Variants in KCNT2 observed in about 807,000 individuals in gnomAD.
KCNT2 encodes potassium sodium-activated channel subfamily T member 2, also known as potassium channel subfamily T member 2.
A neutral mutation model predicts 153.8 loss-of-function variants in KCNT2; 67 were observed. The observed-to-expected ratio is 0.44, with a 90% confidence interval of 0.36 to 0.53. The LOEUF is 0.53. Among genes scored for constraint, KCNT2 ranks in the 20% least tolerant of loss-of-function variants. The pLI, the probability that KCNT2 is intolerant of heterozygous loss-of-function variation, is 0.00. For missense variants in KCNT2, 975 were observed against 1,354.8 expected (o/e 0.72, Z 4.40); for synonymous variants, 500 against 458.8 (o/e 1.09, Z -1.15).
Position 196,558,356 on chromosome 1 carries a change from T to C in KCNT2, c.95+49859A>G, listed in dbSNP as rs117706915. The stretch of plus-strand genomic sequence containing the variant: ...AGTAAGGATATATCTGACAATTTTA[T>C]AATAATTTGAAAATCTAAAATAACG... On this transcript the variant is annotated intron_variant, in intron 1 of 27. Transcript: ENST00000294725. Among the ~76,000 whole-genome samples the C allele has an allele frequency of 5.5e-4, 83 of 151,202 alleles. 1 individual carries two copies. The East Asian group carries it at 0.015, about 27-fold the overall frequency.
chr1:196,325,870 T>C (rs1050793027), intron 19 of KCNT2, among the ~76,000 whole-genome samples: 9 of 152,152 alleles, frequency 5.9e-5, no homozygotes, highest in African/African-American at 2.2e-4. Context: ...TATAAAGTTA[T>C]AATGTACTGG....
intron 1 of KCNT2, among the ~76,000 whole-genome samples, chr1:196,602,950 C>A (rs1174536428): frequency 6.6e-6 from 1 of 150,636 alleles, no homozygotes; most frequent in Admixed American, 6.6e-5. Context: ...CCGCGCCCGG[C>A]TAATTTTTTG....
chr1:196,237,229 C>T (rs1412175317), intron 26 of KCNT2, among the ~76,000 whole-genome samples: 1 of 151,718 alleles, frequency 6.6e-6, no homozygotes, highest in Non-Finnish European at 1.5e-5. Flanking sequence ...ATGTTGACTA[C>T]TGTGTTCCTC....
intron 1 of KCNT2, among the ~76,000 whole-genome samples, chr1:196,599,720 T>A (rs1421344475): frequency 6.6e-6 from 1 of 152,210 alleles, no homozygotes; most frequent in Admixed American, 6.5e-5. Context: ...TGGGTTCTGT[T>A]TCTGTTTTCC....
chr1:196,262,470 T>C (rs1258329435), intron 25 of KCNT2, among the ~76,000 whole-genome samples: 3 of 152,044 alleles, frequency 2.0e-5, no homozygotes, highest in African/African-American at 7.2e-5. Flanking sequence ...ATCACTAAAA[T>C]GTGCTAGTTT....
chr1:196,497,748 T>G (rs1167570731), intron 1 of KCNT2, among the ~76,000 whole-genome samples: 1 of 152,202 alleles, frequency 6.6e-6, no homozygotes, highest in African/African-American at 2.4e-5. Context: ...TTCCTTTTCA[T>G]GTACTGATTT....
chr1:196,493,322 G>T (rs1303734000), intron 1 of KCNT2, among the ~76,000 whole-genome samples: 8 of 144,818 alleles, frequency 5.5e-5, no homozygotes, highest in Admixed American at 4.2e-4. Context: ...ATAAGGTTTG[G>T]GGGTCTTTTT....
rs186805152 is a variant in KCNT2, at chr1:196,372,647, A to C, written c.1403+493T>G. 1.5e-4 allele frequency among the ~76,000 whole-genome samples: 23 copies of C among 152,074 alleles called. 1 individual carries two copies. In the East Asian group the frequency reaches 4.2e-3, roughly 28 times the overall value. On this transcript the variant is annotated intron_variant, in intron 14 of 27. Coordinates refer to ENST00000294725, the MANE Select transcript of KCNT2 (RefSeq NM_198503.5). ...TATAAAAAGTGATTTATACTGCATTAGCTAATTTTATACAACTACTTTGTT... is the reference window on the plus strand; with the variant it reads ...TATAAAAAGTGATTTATACTGCATTCGCTAATTTTATACAACTACTTTGTT...
chr1:196,237,036 A>G (rs758872477), intron 26 of KCNT2, among the ~76,000 whole-genome samples: 50 of 151,522 alleles, frequency 3.3e-4, no homozygotes, highest in Non-Finnish European at 5.0e-4. Context: ...AAAGAACTAA[A>G]TTTTTCAGTT....
At chr1:196,270,166 G>C (rs555092697) in intron 25 of KCNT2, among the ~76,000 whole-genome samples, 1 of 151,782 alleles carries the variant, frequency 6.6e-6, no homozygotes, top group Admixed American at 6.6e-5. Flanking sequence ...AATTATTATT[G>C]ATGTAAATTT....
At chr1:196,259,917 A>C (rs1656852082) in intron 25 of KCNT2, among the ~76,000 whole-genome samples, 1 of 151,916 alleles carries the variant, frequency 6.6e-6, no homozygotes, top group Non-Finnish European at 1.5e-5. Context: ...ATTTTTATAA[A>C]ATTTTAACTC....
At chr1:196,451,237 T>C in intron 8 of KCNT2, among the ~76,000 whole-genome samples, 1 of 141,002 alleles carries the variant, frequency 7.1e-6, no homozygotes, top group Non-Finnish European at 1.5e-5. Flanking sequence ...TTTTTTTTTT[T>C]TTTTTTCCTT....
intron 14 of KCNT2, among the ~76,000 whole-genome samples, chr1:196,353,218 G>T (rs1666887749): frequency 6.6e-6 from 1 of 151,894 alleles, no homozygotes. Context: ...ATAAGCAGAT[G>T]TCTAACTGGC....
chr1:196,242,387 A>G (rs1325511419), intron 26 of KCNT2, among the ~76,000 whole-genome samples: 3 of 152,102 alleles, frequency 2.0e-5, no homozygotes, highest in Admixed American at 6.6e-5. Flanking sequence ...TAGCATATTT[A>G]TTATATAATT....
chr1:196,314,514 T>A (rs893523431), intron 21 of KCNT2, among the ~76,000 whole-genome samples: 3 of 151,736 alleles, frequency 2.0e-5, no homozygotes, highest in Non-Finnish European at 4.4e-5. Context: ...AACTGCTGCA[T>A]TATAATAACT....
At chr1:196,526,581 T>C (rs1654243634) in intron 1 of KCNT2, among the ~76,000 whole-genome samples, 1 of 151,962 alleles carries the variant, frequency 6.6e-6, no homozygotes, top group Non-Finnish European at 1.5e-5. Flanking sequence ...GCCTCCCAAG[T>C]AGCTGGGATT....
chr1:196,334,164 A>ACTCTC, intron 16 of KCNT2, 104 bp from the exon 17 acceptor site: 1 of 662,694 alleles, frequency 1.5e-6, no homozygotes, highest in Non-Finnish European at 2.6e-6. Flanking sequence ...ATAAATATAT[A>ACTCTC]TATAGAGAGA....
rs976347355 is a variant in KCNT2, at chr1:196,524,411, C to T, written c.96-32070G>A. On this transcript the variant is annotated intron_variant, in intron 1 of 27. Coordinates refer to ENST00000294725, the MANE Select transcript of KCNT2 (RefSeq NM_198503.5). ...CCAGAGAGGAATCAGGAATTGTTAC[C>T]AAAAATGAGACAATGGATGTCCAGT... Among the ~76,000 whole-genome samples, 14 of 152,100 alleles carry T rather than the reference C, an allele frequency of 9.2e-5. 1 individual carries two copies. The highest frequency in any genetic ancestry group is 3.1e-4 in the African/African-American group (13 of 41,484).
intron 1 of KCNT2, among the ~76,000 whole-genome samples, chr1:196,499,568 G>A (rs1033156768): frequency 6.6e-6 from 1 of 152,146 alleles, no homozygotes; most frequent in African/African-American, 2.4e-5. Flanking sequence ...AGTATGGTAG[G>A]AGAGATAAAA....
Sources: allele counts gnomAD v4.1 joint callset (sites outside exome capture counted in the v4.1 genomes callset), GRCh38; gene constraint gnomAD v4.1.1; transcripts MANE v1.5; gene names NCBI Gene and HGNC (gene_info 2026-07-23, HGNC 2026-07-21).